The following COL25A1 variants were observed in gnomAD, a reference collection of about 807,000 sequenced individuals.
COL25A1 encodes collagen type XXV alpha 1 chain, also known as collagen alpha-1(XXV) chain.
A neutral mutation model predicts 128.4 loss-of-function variants in COL25A1; 103 were observed. That is an observed-to-expected ratio of 0.80 (90% CI 0.68 to 0.94). The LOEUF (loss-of-function observed/expected upper bound fraction) is 0.94. Ranked by LOEUF, COL25A1 falls within the 40% of genes least tolerant of loss-of-function variation. The pLI, the probability that COL25A1 is intolerant of heterozygous loss-of-function variation, is 0.00. For synonymous variants in COL25A1, 279 were observed against 277.2 expected (o/e 1.01, Z -0.06); for missense variants, 745 against 840.0 (o/e 0.89, Z 1.40).
chr4:109,300,387 G>A (rs1235498083), intron 3 of COL25A1, among the ~76,000 whole-genome samples, 196 bp downstream of exon 3: 1 of 152,030 alleles, frequency 6.6e-6, no homozygotes, highest in Non-Finnish European at 1.5e-5. Flanking sequence ...CCCATAACAG[G>A]CCTTGGTATG....
intron 15 of COL25A1, among the ~76,000 whole-genome samples, chr4:108,897,853 T>G (rs776333946): frequency 6.6e-6 from 1 of 152,192 alleles, no homozygotes; most frequent in African/African-American, 2.4e-5. Context: ...AAGCATGAAG[T>G]TAGTCTGCCT....
chr4:108,887,564 C>T (rs1175881049), intron 18 of COL25A1, among the ~76,000 whole-genome samples: 1 of 152,146 alleles, frequency 6.6e-6, no homozygotes, highest in Non-Finnish European at 1.5e-5. Flanking sequence ...GGCACATACT[C>T]ATTCAGGAGG....
At chr4:108,974,324 T>C in intron 8 of COL25A1, 43 bp downstream of exon 8, 2 of 1,606,268 alleles carry the variant, frequency 1.2e-6, no homozygotes, top group Non-Finnish European at 1.7e-6. Context: ...AACTTGGAGT[T>C]AGAAACTAAT....
intron 3 of COL25A1, among the ~76,000 whole-genome samples, chr4:109,265,507 TAATA>T: frequency 1.4e-5 from 2 of 146,994 alleles, no homozygotes; most frequent in African/African-American, 5.1e-5. Flanking sequence ...TTTCTTACAG[TAATA>T]ACAGTACGTG....
intron 3 of COL25A1, among the ~76,000 whole-genome samples, chr4:109,188,491 T>C (rs1775327866): frequency 6.6e-6 from 1 of 152,060 alleles, no homozygotes; most frequent in East Asian, 1.9e-4. Context: ...GAAGACACCA[T>C]TTCACTCCAG....
intron 3 of COL25A1, among the ~76,000 whole-genome samples, chr4:109,192,308 G>GA (rs1052802299): frequency 1.3e-5 from 2 of 152,090 alleles, no homozygotes; most frequent in Non-Finnish European, 2.9e-5. Flanking sequence ...AGTGGTGAAA[G>GA]AAAAAAGGCA....
intron 19 of COL25A1, among the ~76,000 whole-genome samples, chr4:108,881,871 G>C (rs962432632): frequency 2.0e-5 from 3 of 152,082 alleles, no homozygotes; most frequent in African/African-American, 7.2e-5. Flanking sequence ...CAAAAATAGA[G>C]CCTAAGATTT....
chr4:108,996,455 C>G (rs960882809), intron 6 of COL25A1, among the ~76,000 whole-genome samples: 3 of 152,064 alleles, frequency 2.0e-5, no homozygotes, highest in Non-Finnish European at 4.4e-5. Context: ...AATAGAGGAG[C>G]ACCCAGATTC....
At chr4:108,960,913 T>G (rs1039028932) in intron 8 of COL25A1, among the ~76,000 whole-genome samples, 2 of 148,630 alleles carry the variant, frequency 1.3e-5, no homozygotes, top group South Asian at 4.5e-4. Context: ...TTAAGAATGA[T>G]TTCCTTGCAT....
At chr4:108,986,378 A>G (rs1045910097) in intron 6 of COL25A1, among the ~76,000 whole-genome samples, 12 of 152,312 alleles carry the variant, frequency 7.9e-5, no homozygotes, top group African/African-American at 2.9e-4. Context: ...TGACCTCCTG[A>G]TCAACCAAAC....
intron 6 of COL25A1, among the ~76,000 whole-genome samples, chr4:108,988,083 G>A (rs949400999): frequency 1.3e-5 from 2 of 152,158 alleles, no homozygotes; most frequent in African/African-American, 2.4e-5. Flanking sequence ...ATACTACCAC[G>A]TGACCTTTGG....
chr4:109,185,064 G>A (rs1775010946), intron 3 of COL25A1, among the ~76,000 whole-genome samples: 1 of 152,162 alleles, frequency 6.6e-6, no homozygotes, highest in Non-Finnish European at 1.5e-5. Context: ...GTTGTGAGCA[G>A]TCAAGAATAT....
chr4:108,875,384 A>T (rs1340432388), intron 19 of COL25A1, among the ~76,000 whole-genome samples: 1 of 152,212 alleles, frequency 6.6e-6, no homozygotes, highest in Non-Finnish European at 1.5e-5. Context: ...AAATAACCCC[A>T]TCAAAAAGTG....
In COL25A1 at chr4:109,108,804, G is replaced by A. The variant is rs1424411463; in HGVS notation, c.368-58625C>T. ...AATAAAGTATTTTAAATAAATTTAA[G>A]TACATTTTAGACATGCTATTGCACA... On this transcript the variant is annotated intron_variant, in intron 3 of 37. Coordinates refer to ENST00000399132, the MANE Select transcript of COL25A1 (RefSeq NM_198721.4). Among the ~76,000 whole-genome samples, 4 of 151,982 alleles carry A rather than the reference G, an allele frequency of 2.6e-5. No homozygotes were observed. In the South Asian group the frequency reaches 8.3e-4, roughly 32 times the overall value.
At chr4:109,197,289 G>T (rs1177411175) in intron 3 of COL25A1, among the ~76,000 whole-genome samples, 1 of 145,102 alleles carries the variant, frequency 6.9e-6, no homozygotes, top group African/African-American at 2.6e-5. Flanking sequence ...TCACACCACT[G>T]CACTTCAGCC....
intron 3 of COL25A1, among the ~76,000 whole-genome samples, chr4:109,059,296 T>C (rs114748967): frequency 3.0e-4 from 45 of 152,278 alleles, no homozygotes; most frequent in Admixed American, 8.5e-4. Context: ...AGCACATAGG[T>C]AGTAAATGGT....
chr4:108,827,043 T>C, intron 33 of COL25A1, 92 bp downstream of exon 33: 1 of 1,051,718 alleles, frequency 9.5e-7, no homozygotes, highest in East Asian at 2.4e-5. Flanking sequence ...TCTCTAACAT[T>C]AGTCTGCCCC....
chr4:109,151,078 T>C (rs1441762844), intron 3 of COL25A1, among the ~76,000 whole-genome samples: 2 of 152,144 alleles, frequency 1.3e-5, no homozygotes. Flanking sequence ...AAGTAAATTC[T>C]AAAAATGCCA....
chr4:108,829,952 C>A (rs1047146333), intron 32 of COL25A1, among the ~76,000 whole-genome samples: 9 of 152,156 alleles, frequency 5.9e-5, no homozygotes, highest in African/African-American at 1.9e-4. Flanking sequence ...CCACTGTGCC[C>A]AGCTTGTCCG....
Sources: gnomAD v4.1 joint callset for allele counts (sites outside exome capture counted in the v4.1 genomes callset) on GRCh38, gnomAD v4.1.1 for gene constraint, MANE v1.5 for transcripts, NCBI Gene and HGNC (gene_info 2026-07-23, HGNC 2026-07-21) for gene names.